Variants in ITGA8 observed in about 807,000 individuals in gnomAD.
ITGA8 encodes the protein integrin subunit alpha 8.
In ITGA8, 91 loss-of-function variants were observed where a neutral mutation model predicts 142.3. The observed-to-expected ratio is 0.64, with a 90% CI of 0.54 to 0.76. The LOEUF (loss-of-function observed/expected upper bound fraction) is 0.76, where lower values mean the gene tolerates loss of function less well. Among genes scored for constraint, ITGA8 ranks in the 30% least tolerant of loss-of-function variants. ITGA8 has a pLI of 0.00. For synonymous variants in ITGA8, 505 were observed against 485.2 expected (o/e 1.04, Z -0.54); for missense variants, 1,406 against 1,327.7 (o/e 1.06, Z -0.92).
At chr10:15,560,764 T>C (rs536051791) in intron 25 of ITGA8, among the ~76,000 whole-genome samples, 3 of 152,130 alleles carry the variant, frequency 2.0e-5, no homozygotes, top group African/African-American at 7.2e-5. Context: ...GTATCTGACA[T>C]TGTAGATCTA....
At chr10:15,698,823 A>T (rs1190986025) in intron 2 of ITGA8, among the ~76,000 whole-genome samples, 1 of 152,110 alleles carries the variant, frequency 6.6e-6, no homozygotes, top group African/African-American at 2.4e-5. Flanking sequence ...CCTTTGTCAG[A>T]TGTATAGATT....
intron 23 of ITGA8, among the ~76,000 whole-genome samples, chr10:15,577,447 T>G (rs537722372): frequency 6.6e-6 from 1 of 152,242 alleles, no homozygotes; most frequent in South Asian, 2.1e-4. Flanking sequence ...AAATGCACCA[T>G]GGGGGCTCCT....
rs9333200 is a variant in ITGA8 at position 15,573,876 on chromosome 10, T to C, written c.2479-1507A>G. Among the ~76,000 whole-genome samples the C allele has an allele frequency of 2.0e-3, 299 of 146,332 alleles. 2 individuals are homozygous for C. The highest frequency in any genetic ancestry group is 7.0e-3 in the African/African-American group (281 of 40,148). On this transcript the variant is annotated intron_variant, in intron 24 of 29. Transcript: ENST00000378076. Reference sequence around the variant, plus strand: ...CTTTACTGCTAGCATTGACTTTATTTAAAAAAAAAAACAAAAGCAAAAACA... The same window carrying C: ...CTTTACTGCTAGCATTGACTTTATTCAAAAAAAAAAACAAAAGCAAAAACA...
intron 4 of ITGA8, among the ~76,000 whole-genome samples, chr10:15,683,720 A>G (rs1176818831): frequency 6.6e-6 from 1 of 152,242 alleles, no homozygotes; most frequent in African/African-American, 2.4e-5. Context: ...TGAATTTTGA[A>G]CAGCAACTGA....
At chr10:15,694,247 T>C (rs1217882241) in intron 2 of ITGA8, among the ~76,000 whole-genome samples, 3 of 128,088 alleles carry the variant, frequency 2.3e-5, no homozygotes, top group Non-Finnish European at 4.8e-5. Flanking sequence ...ATATCATATA[T>C]ATGATAACAT....
At chr10:15,538,054 C>A (rs750357080) in intron 27 of ITGA8, among the ~76,000 whole-genome samples, 4 of 152,156 alleles carry the variant, frequency 2.6e-5, no homozygotes, top group Non-Finnish European at 5.9e-5. Context: ...TGGGAGGAAC[C>A]TGGAAGTTTG....
rs10713301 is a variant in ITGA8, at chr10:15,684,687, ATT to A, written c.445-562_445-561del. On this transcript the variant is annotated intron_variant, in intron 3 of 29. Transcript: ENST00000378076. ...AGCACCTAGGCCCCATAGAAATTAA[ATT>A]TTTTTTTTTTGCCCGAAGAAGCAAG... Among the ~76,000 whole-genome samples the A allele has an allele frequency of 5.5e-3, 831 of 150,410 alleles. 16 individuals are homozygous for A. Among genetic ancestry groups the A allele is most frequent in the African/African-American group, 0.018 (757 of 40,988 alleles).
intron 15 of ITGA8, 83 bp downstream of exon 15, chr10:15,613,577 C>G: frequency 2.0e-6 from 2 of 999,822 alleles, no homozygotes; most frequent in South Asian, 2.7e-5. Flanking sequence ...CCCAGACTTA[C>G]TGAATCCAAA....
intron 27 of ITGA8, among the ~76,000 whole-genome samples, chr10:15,543,879 C>A (rs1833620604): frequency 6.6e-6 from 1 of 151,902 alleles, no homozygotes. Context: ...CAGTGAGCGT[C>A]CTTATAAGAA....
At chr10:15,538,794 A>C (rs1229388972) in intron 27 of ITGA8, among the ~76,000 whole-genome samples, 2 of 152,092 alleles carry the variant, frequency 1.3e-5, no homozygotes, top group East Asian at 3.9e-4. Flanking sequence ...AATGATAAAA[A>C]GACTCAGATG....
chr10:15,622,596 ACAAAAC>A (rs1333924141), intron 13 of ITGA8, among the ~76,000 whole-genome samples: 7 of 21,912 alleles, frequency 3.2e-4, no homozygotes, highest in Admixed American at 8.6e-4. Context: ...ACAAAACAAA[ACAAAAC>A]AAAAAAAAAA....
intron 17 of ITGA8, 36 bp downstream of exon 17, chr10:15,607,641 G>A (rs1406481838): frequency 1.3e-6 from 2 of 1,598,260 alleles, no homozygotes; most frequent in East Asian, 2.2e-5. Context: ...TGGATATGAA[G>A]GAGAGAGGCC....
At chr10:15,654,058 C>T (rs1169590877) in intron 11 of ITGA8, among the ~76,000 whole-genome samples, 2 of 152,032 alleles carry the variant, frequency 1.3e-5, no homozygotes, top group African/African-American at 2.4e-5. Flanking sequence ...CTGGCCTCGA[C>T]CTCCTGACCT....
At chr10:15,615,831 A>G (rs897202005) in intron 14 of ITGA8, among the ~76,000 whole-genome samples, 1 of 151,932 alleles carries the variant, frequency 6.6e-6, no homozygotes, top group Non-Finnish European at 1.5e-5. Context: ...TTTTTTTTTT[A>G]AAAGAAGCTA....
In ITGA8 at chr10:15,684,711, C is replaced by G. The variant is rs1460311701; in HGVS notation, c.445-584G>C. On this transcript the variant is annotated intron_variant, in intron 3 of 29. Coordinates refer to ENST00000378076, the MANE Select transcript of ITGA8 (RefSeq NM_003638.3). Reference sequence around the variant, plus strand: ...AATTTTTTTTTTTTGCCCGAAGAAGCAAGCAGAAATTAATTCCTAAAAGCG... The same window carrying G: ...AATTTTTTTTTTTTGCCCGAAGAAGGAAGCAGAAATTAATTCCTAAAAGCG... Among the ~76,000 whole-genome samples the G allele has an allele frequency of 2.0e-5, 3 of 151,848 alleles. No homozygotes were observed. The South Asian group carries it at 6.2e-4, about 32-fold the overall frequency.
chr10:15,655,243 A>G, intron 11 of ITGA8, 111 bp downstream of exon 11: 1 of 645,880 alleles, frequency 1.5e-6, no homozygotes. Flanking sequence ...AGAACAAGAG[A>G]GCCTCTATCT....
chr10:15,711,141 C>T (rs1835355971), intron 2 of ITGA8, among the ~76,000 whole-genome samples: 1 of 152,196 alleles, frequency 6.6e-6, no homozygotes, highest in South Asian at 2.1e-4. Context: ...AGGAATGACA[C>T]AAGGAACAAC....
intron 6 of ITGA8, 109 bp from the exon 7 acceptor site, chr10:15,672,858 A>G: frequency 1.6e-6 from 2 of 1,260,618 alleles, no homozygotes; most frequent in Non-Finnish European, 2.1e-6. Context: ...TGCTTTTTTG[A>G]TGATGAATTT....
intron 13 of ITGA8, among the ~76,000 whole-genome samples, chr10:15,638,577 A>G (rs1833813582): frequency 6.6e-6 from 1 of 152,222 alleles, no homozygotes; most frequent in African/African-American, 2.4e-5. Flanking sequence ...GAATGGGAAA[A>G]CCAACCCCAT....
Sources: allele counts gnomAD v4.1 joint callset (sites outside exome capture counted in the v4.1 genomes callset), GRCh38; gene constraint gnomAD v4.1.1; transcripts MANE v1.5; gene names NCBI Gene and HGNC (gene_info 2026-07-23, HGNC 2026-07-21).